Variants in RARG observed in about 807,000 individuals in gnomAD.
RARG encodes the protein retinoic acid receptor gamma, also known as RAR-gamma.
A neutral mutation model predicts 43.7 loss-of-function variants in RARG; 17 were observed. That is an observed-to-expected ratio of 0.39 (90% CI 0.27 to 0.58). The LOEUF (loss-of-function observed/expected upper bound fraction) is 0.58. RARG is among the 20% of genes least tolerant of loss of function. The pLI, the probability that RARG is intolerant of heterozygous loss-of-function variation, is 0.57. For synonymous variants in RARG, 238 were observed against 236.4 expected (o/e 1.01, Z -0.06); for missense variants, 346 against 598.7 (o/e 0.58, Z 4.40).
chr12:53,212,737 T>TATATAC (rs1272930364), intron 9 of RARG, among the ~76,000 whole-genome samples: 2 of 133,766 alleles, frequency 1.5e-5, no homozygotes, highest in African/African-American at 5.9e-5. Context: ...AATATATATA[T>TATATAC]ACACACACAC....
At position 53,211,874 on chromosome 12, in the gene RARG, G is replaced by A; in HGVS notation, c.1178-11C>T. The A allele has an allele frequency of 1.4e-6, 2 of 1,411,668 alleles. No homozygotes were observed. Among genetic ancestry groups the A allele is most frequent in the Admixed American group, 2.7e-5 (1 of 37,402 alleles). The allele number at this position is 1,411,668 out of a possible 1,614,324, so 87.4% of individuals were successfully genotyped here. ...TGGCCCTTTCAGCTCCTACAATGGA[G>A]AGAGAAAGAGAGAGGCTCAGGAGGA... On this transcript the variant is annotated splice_polypyrimidine_tract_variant and intron_variant, in intron 9 of 9. Transcript: ENST00000425354. The surrounding 1 kb of genome is among the most constrained non-coding windows in gnomAD (Gnocchi z 4.6).
chr12:53,222,219 A>AAGAGAG lies in RARG; in HGVS notation c.184+5142_184+5143insCTCTCT, dbSNP rs1375744605. The stretch of plus-strand genomic sequence containing the variant: ...CCAGTCACCCGAACCCCACAAAAAA[A>AAGAGAG]AGAAAGAAAGAGAGAGAAAGAAAAG... On this transcript the variant is annotated intron_variant, in intron 3 of 9. Transcript: ENST00000425354. Among the ~76,000 whole-genome samples, 13 of 105,494 alleles carry AAGAGAG rather than the reference A, an allele frequency of 1.2e-4. No individual in the cohort carries two copies. In the East Asian group the frequency reaches 3.8e-3, roughly 31 times the overall value. 69.2% of individuals were successfully genotyped at this position (105,494 alleles called of 152,430 possible).
intron 3 of RARG, among the ~76,000 whole-genome samples, chr12:53,221,414 C>G (rs1942959483): frequency 1.3e-5 from 2 of 152,206 alleles, no homozygotes. Context: ...TGGCCAACTC[C>G]CCTCCTCCAG....
At chr12:53,220,129 G>A (rs1384152917) in intron 3 of RARG, 2 of 1,550,176 alleles carry the variant, frequency 1.3e-6, no homozygotes, top group Non-Finnish European at 1.7e-6. Flanking sequence ...GAAACTGGGT[G>A]CTGGAAACAC....
At chr12:53,224,114 C>T (rs150404930) in intron 3 of RARG, among the ~76,000 whole-genome samples, 146 of 152,258 alleles carry the variant, frequency 9.6e-4, no homozygotes, top group Non-Finnish European at 7.4e-4. Context: ...TGAACACACA[C>T]GCACGCACAC....
In RARG at chr12:53,225,314, A is replaced by G. The variant is rs115075641; in HGVS notation, c.184+2048T>C. ...CGCCAGCCACAGCGTCAGCAGCACT[A>G]CAAAATCCCTCCTCACTCCTCACAC... is the stretch of plus-strand genomic sequence containing the variant. On this transcript the variant is annotated intron_variant, in intron 3 of 9. Coordinates refer to ENST00000425354, the MANE Select transcript of RARG (RefSeq NM_000966.6). 1.7e-3 allele frequency among the ~76,000 whole-genome samples: 265 copies of G among 152,330 alleles called. 4 individuals are homozygous for G. Among genetic ancestry groups the G allele is most frequent in the African/African-American group, 6.2e-3 (257 of 41,572 alleles).
intron 3 of RARG, among the ~76,000 whole-genome samples, chr12:53,222,208 C>T (rs574916267): frequency 9.0e-6 from 1 of 110,646 alleles, no homozygotes; most frequent in African/African-American, 4.3e-5. Context: ...TCACCCGAAC[C>T]CCACAAAAAA....
chr12:53,216,774 C>T (rs1192120026), intron 3 of RARG, among the ~76,000 whole-genome samples: 2 of 151,862 alleles, frequency 1.3e-5, no homozygotes, highest in African/African-American at 4.8e-5. Context: ...CTCAGCCCCA[C>T]AGTATGGGGA....
chr12:53,221,540 C>G (rs1942963435), intron 3 of RARG, among the ~76,000 whole-genome samples: 1 of 152,204 alleles, frequency 6.6e-6, no homozygotes, highest in African/African-American at 2.4e-5. Flanking sequence ...GGTTAGTGCC[C>G]CTCAGCTCTC....
chr12:53,220,225 G>C (rs1332433101), intron 3 of RARG: 1 of 1,537,230 alleles, frequency 6.5e-7, no homozygotes, highest in East Asian at 2.5e-5. Flanking sequence ...ATAGGGCGCT[G>C]GGCTGCATGC....
At position 53,215,593 on chromosome 12, in the gene RARG, A is replaced by C; in HGVS notation, c.333+53T>G. ...ACAGCATCTGTGTGCCTGGTCTCTC[A>C]TCTTACTAGGGTAACTGGATCCCCC... On this transcript the variant is annotated intron_variant, in intron 4 of 9. Transcript: ENST00000425354. The surrounding 1 kb of genome is among the most constrained non-coding windows in gnomAD (Gnocchi z 6.4). The C allele has an allele frequency of 6.3e-7, 1 of 1,591,492 alleles. No homozygotes were observed. The highest frequency in any genetic ancestry group is 1.1e-5 in the South Asian group (1 of 87,898).
rs375964912 is a variant in RARG, at chr12:53,214,238, G to A, written c.637-3C>T. 1.2e-5 allele frequency: 20 copies of A among 1,611,498 alleles called. No individual in the cohort carries two copies. In the African/African-American group the frequency reaches 2.3e-4, roughly 18 times the overall value. ...ACGCGGTGGTCTGCACTGGAGTTCTGCAGAGGGGAGGGGTAGAAGGTTGGA... is the reference window on the plus strand; with the variant it reads ...ACGCGGTGGTCTGCACTGGAGTTCTACAGAGGGGAGGGGTAGAAGGTTGGA... On this transcript the variant is annotated splice_polypyrimidine_tract_variant and splice_region_variant and intron_variant, in intron 6 of 9. Coordinates refer to ENST00000425354, the MANE Select transcript of RARG (RefSeq NM_000966.6).
At chr12:53,230,633 A>G (rs1316647662) in intron 2 of RARG, among the ~76,000 whole-genome samples, 3 of 151,818 alleles carry the variant, frequency 2.0e-5, no homozygotes, top group Non-Finnish European at 4.4e-5. Context: ...CCTCCACCCT[A>G]CTAGCCCCAG....
chr12:53,224,007 ACT>A (rs2120713349), intron 3 of RARG, among the ~76,000 whole-genome samples: 1 of 151,788 alleles, frequency 6.6e-6, no homozygotes, highest in East Asian at 1.9e-4. Context: ...CTTTCATCAC[ACT>A]CTGTTCCCTA....
intron 2 of RARG, among the ~76,000 whole-genome samples, chr12:53,229,123 T>G (rs1021508849): frequency 6.6e-6 from 1 of 152,008 alleles, no homozygotes; most frequent in Non-Finnish European, 1.5e-5. Context: ...CTCTAGGCAG[T>G]TAGTGGGCTA....
At position 53,211,608 on chromosome 12, in the gene RARG, G is replaced by T. The variant is rs910743499; in HGVS notation, c.*68C>A. 2 of 1,289,828 alleles carry T rather than the reference G, an allele frequency of 1.6e-6. No homozygotes were observed. The highest frequency in any genetic ancestry group is 1.6e-5 in the African/African-American group (1 of 64,028). 79.9% of individuals were successfully genotyped at this position (1,289,828 alleles called of 1,614,324 possible). A position where few individuals can be genotyped will look rare whatever the true frequency, so the allele number is the denominator to read the frequency against. On this transcript the variant is annotated 3_prime_UTR_variant, in exon 10 of 10. Transcript: ENST00000425354. This position sits in a 1 kb window ranked among gnomAD's most constrained non-coding sequence, Gnocchi z 4.6. ...AGCAGGTCCTCCCCCAGTCACTGGC[G>T]GTCTGGGAGATGGTCAGTCTGCTGC... is the stretch of plus-strand genomic sequence containing the variant.
At chr12:53,214,639 A>AC in intron 5 of RARG, 33 bp from the exon 6 acceptor site, 1 of 1,574,534 alleles carries the variant, frequency 6.4e-7, no homozygotes, top group Non-Finnish European at 8.7e-7. Context: ...GAGGGTCAGG[A>AC]CCCTCAGAGC....
chr12:53,216,841 TGCGCGC>T (rs61199415), intron 3 of RARG, among the ~76,000 whole-genome samples: 76 of 129,436 alleles, frequency 5.9e-4, no homozygotes, highest in Admixed American at 1.3e-3. Context: ...TGTGTGTGTG[TGCGCGC>T]GCGCGCGCGC....
At chr12:53,224,784 C>T (rs906442156) in intron 3 of RARG, among the ~76,000 whole-genome samples, 32 of 152,026 alleles carry the variant, frequency 2.1e-4, no homozygotes, top group Non-Finnish European at 3.8e-4. Context: ...TCCCCAGCTA[C>T]CTGCCCTGGC....
Sources: gnomAD v4.1 joint callset for allele counts (sites outside exome capture counted in the v4.1 genomes callset) on GRCh38, gnomAD v4.1.1 for gene constraint, Gnocchi (gnomAD v3.1) non-coding constraint, MANE v1.5 for transcripts, NCBI Gene and HGNC (gene_info 2026-07-23, HGNC 2026-07-21) for gene names.